The following MTUS2 variants were observed in gnomAD, a reference collection of about 807,000 sequenced individuals.
MTUS2 encodes the protein microtubule-associated tumor suppressor candidate 2.
In MTUS2, 40 loss-of-function variants were observed where a neutral mutation model predicts 114.1. The observed-to-expected ratio is 0.35, with a 90% CI of 0.27 to 0.46. The LOEUF is 0.46. Ranked by LOEUF, MTUS2 falls within the 20% of genes least tolerant of loss-of-function variation. The pLI, the probability that MTUS2 is intolerant of heterozygous loss-of-function variation, is 1.00. For synonymous variants in MTUS2, 688 were observed against 672.0 expected, an observed-to-expected ratio of 1.02 and a Z score of -0.37; for missense variants, 1,679 against 1,705.4, an observed-to-expected ratio of 0.98 and a Z score of 0.27.
At chr13:29,467,653 AATT>A (rs1879985681) in intron 9 of MTUS2, among the ~76,000 whole-genome samples, 1 of 152,106 alleles carries the variant, frequency 6.6e-6, no homozygotes, top group Non-Finnish European at 1.5e-5. Context: ...AAAAACTCAT[AATT>A]ATAACCATCC....
chr13:29,361,372 C>T (rs770516505), intron 8 of MTUS2, among the ~76,000 whole-genome samples: 4 of 152,228 alleles, frequency 2.6e-5, no homozygotes, highest in Non-Finnish European at 5.9e-5. Context: ...TCACCTCCCA[C>T]ACAATGTATT....
intron 5 of MTUS2, among the ~76,000 whole-genome samples, chr13:29,214,460 T>C (rs1391156568): frequency 1.3e-5 from 2 of 152,248 alleles, no homozygotes; most frequent in Admixed American, 1.3e-4. Context: ...ATGTCGTTGG[T>C]CTTTACATTT....
intron 2 of MTUS2, among the ~76,000 whole-genome samples, chr13:28,957,198 T>A (rs1883112562): frequency 6.6e-6 from 1 of 152,210 alleles, no homozygotes; most frequent in South Asian, 2.1e-4. Flanking sequence ...TGGGTGCTAA[T>A]CAGTTGGTGT....
chr13:29,418,021 CTCTTTT>C (rs1312065880), intron 8 of MTUS2, among the ~76,000 whole-genome samples: 234 of 152,152 alleles, frequency 1.5e-3, no homozygotes, highest in Non-Finnish European at 1.8e-3. Context: ...TTTTTTGGTA[CTCTTTT>C]GTCTTGCCTA....
chr13:29,455,908 A>T (rs1329255048), intron 9 of MTUS2, among the ~76,000 whole-genome samples: 1 of 152,002 alleles, frequency 6.6e-6, no homozygotes, highest in Non-Finnish European at 1.5e-5. Context: ...TGGAGCCCGG[A>T]AGGTTGAGGT....
At chr13:29,058,437 T>TTACA (rs1471685868) in intron 4 of MTUS2, among the ~76,000 whole-genome samples, 1 of 151,962 alleles carries the variant, frequency 6.6e-6, no homozygotes, top group Non-Finnish European at 1.5e-5. Context: ...TTTGGTCTCT[T>TTACA]TACACAGTTT....
At chr13:28,876,050 C>G (rs1566191465) in intron 2 of MTUS2, among the ~76,000 whole-genome samples, 1 of 152,378 alleles carries the variant, frequency 6.6e-6, no homozygotes, top group East Asian at 1.9e-4. Flanking sequence ...ACATGACTCT[C>G]TGAGGAGGGT....
chr13:29,326,707 G>A (rs781721035), intron 7 of MTUS2, among the ~76,000 whole-genome samples: 4 of 152,182 alleles, frequency 2.6e-5, no homozygotes, highest in Admixed American at 6.5e-5. Context: ...AGAGCCAGGC[G>A]TGGTGGCTCG....
intron 5 of MTUS2, among the ~76,000 whole-genome samples, chr13:29,257,832 C>A (rs138809360): frequency 1.0e-3 from 154 of 152,308 alleles, no homozygotes; most frequent in African/African-American, 3.6e-3. Context: ...TCTGAGACCA[C>A]CTAGCATATA....
chr13:29,493,028 G>A (rs1334256414), intron 12 of MTUS2, among the ~76,000 whole-genome samples: 2 of 152,208 alleles, frequency 1.3e-5, no homozygotes, highest in Admixed American at 1.3e-4. Flanking sequence ...AGGAGTAACT[G>A]AGCTATGTTC....
At chr13:29,357,481 G>A (rs78756760) in intron 7 of MTUS2, among the ~76,000 whole-genome samples, 455 of 152,250 alleles carry the variant, frequency 3.0e-3, no homozygotes, top group African/African-American at 7.8e-3. Flanking sequence ...ATAAAATCAC[G>A]AGCCACAGCA....
intron 9 of MTUS2, among the ~76,000 whole-genome samples, chr13:29,473,907 T>C (rs755604570): frequency 2.6e-5 from 4 of 152,202 alleles, no homozygotes; most frequent in African/African-American, 9.6e-5. Flanking sequence ...TGTCTAATGC[T>C]ATTAAATTAG....
At chr13:28,868,548 G>C (rs138653488) in intron 2 of MTUS2, among the ~76,000 whole-genome samples, 13 of 152,296 alleles carry the variant, frequency 8.5e-5, no homozygotes, top group Middle Eastern at 3.4e-3. Flanking sequence ...CAAAGGGAGG[G>C]ATGGGAATAG....
intron 6 of MTUS2, among the ~76,000 whole-genome samples, chr13:29,309,629 A>C (rs564924005): frequency 6.7e-6 from 1 of 150,288 alleles, no homozygotes; most frequent in Non-Finnish European, 1.5e-5. Context: ...TGTGTAAAAA[A>C]ATTTAGATTT....
chr13:29,435,196 A>C lies in MTUS2; in HGVS notation c.3118-4787A>C, dbSNP rs191969232. The stretch of plus-strand genomic sequence containing the variant: ...TTCTTAAAGTGTCAGTTTCCAGTGA[A>C]GCCTGTCATAGAATAAACAGAATTT... On this transcript the variant is annotated intron_variant, in intron 8 of 15. Transcript: ENST00000612955. 2.0e-5 allele frequency among the ~76,000 whole-genome samples: 3 copies of C among 152,328 alleles called. No individual in the cohort carries two copies. In the East Asian group the frequency reaches 5.8e-4, roughly 29 times the overall value.
chr13:29,276,381 C>G (rs1461381173), intron 5 of MTUS2, among the ~76,000 whole-genome samples: 1 of 152,092 alleles, frequency 6.6e-6, no homozygotes, highest in Non-Finnish European at 1.5e-5. Context: ...GGGATCTTAC[C>G]TTGCAAATGG....
At chr13:28,958,545 A>G (rs1296239355) in intron 2 of MTUS2, among the ~76,000 whole-genome samples, 1 of 152,214 alleles carries the variant, frequency 6.6e-6, no homozygotes, top group African/African-American at 2.4e-5. Flanking sequence ...AAATATCTCC[A>G]AAAGATTTGA....
At chr13:29,111,592 A>G (rs9314935) in intron 5 of MTUS2, among the ~76,000 whole-genome samples, 26,048 of 152,150 alleles carry the variant, frequency 0.17, 2,573 homozygotes, top group Non-Finnish European at 0.23. Context: ...CAGAGTGAGA[A>G]TATCAAAAAG....
At chr13:29,148,384 C>G (rs924151027) in intron 5 of MTUS2, among the ~76,000 whole-genome samples, 4 of 46,126 alleles carry the variant, frequency 8.7e-5, no homozygotes, top group South Asian at 8.8e-4. Context: ...CTGACAGACC[C>G]CAGTGTGTGT....
Sources: gnomAD v4.1 joint callset for allele counts (sites outside exome capture counted in the v4.1 genomes callset) on GRCh38, gnomAD v4.1.1 for gene constraint, MANE v1.5 for transcripts, NCBI Gene and HGNC (gene_info 2026-07-23, HGNC 2026-07-21) for gene names.